The following ARHGAP6 variants were observed in gnomAD, a reference collection of about 807,000 sequenced individuals.
ARHGAP6 encodes Rho GTPase activating protein 6.
In ARHGAP6, 16 loss-of-function variants were observed where a neutral mutation model predicts 55.7. The ratio of observed to expected loss-of-function variants is 0.29; its 90% CI spans 0.19 to 0.44. The LOEUF is 0.44. Ranked by LOEUF, ARHGAP6 falls within the 20% of genes least tolerant of loss-of-function variation. The pLI is 1.00. For synonymous variants in ARHGAP6, 382 were observed against 360.9 expected (o/e 1.06, Z -0.66); for missense variants, 698 against 808.9 (o/e 0.86, Z 1.66).
chrX:11,381,150 A>C (rs960893890), intron 1 of ARHGAP6, among the ~76,000 whole-genome samples: 3 of 112,615 alleles, frequency 2.7e-5, no homozygotes, highest in African/African-American at 9.7e-5. Flanking sequence ...TGTATCAAAA[A>C]ATCTTTCTAT....
In ARHGAP6 at chrX:11,202,799, C is replaced by CAAA. The variant is rs776633959; in HGVS notation, c.749-5806_749-5804dup. ...TGGGTGACAGAGCAAGACTCCGTCT[C>CAAA]AAAAAAAAAAAAAAAAAAAAAAAAA... On this transcript the variant is annotated intron_variant, in intron 2 of 12. Transcript: ENST00000337414. 4.1e-3 allele frequency among the ~76,000 whole-genome samples: 39 copies of CAAA among 9,455 alleles called. 1 individual carries two copies. The highest frequency in any genetic ancestry group is 7.8e-3 in the African/African-American group (18 of 2,302). The allele number at this position is 9,455 out of a possible 115,157, so 8.2% of individuals were successfully genotyped here.
At chrX:11,520,144 T>TATAA (rs1556037227) in intron 1 of ARHGAP6, among the ~76,000 whole-genome samples, 1 of 58,497 alleles carries the variant, frequency 1.7e-5, no homozygotes, top group Non-Finnish European at 3.2e-5. Flanking sequence ...TATATATATA[T>TATAA]ATATATATAT....
chrX:11,529,005 G>A (rs976192079), intron 1 of ARHGAP6, among the ~76,000 whole-genome samples: 4 of 112,114 alleles, frequency 3.6e-5, no homozygotes, highest in Non-Finnish European at 7.5e-5. Context: ...CCTGAAAGAA[G>A]TTGGATAGAG....
intron 1 of ARHGAP6, among the ~76,000 whole-genome samples, chrX:11,616,893 G>C (rs189986135): frequency 0.014 from 1,552 of 111,812 alleles, 12 homozygotes; most frequent in Middle Eastern, 0.042. Flanking sequence ...ACCTGGTCTA[G>C]AATGTCAATA....
intron 1 of ARHGAP6, among the ~76,000 whole-genome samples, chrX:11,363,228 G>A (rs886955169): frequency 8.9e-6 from 1 of 111,905 alleles, no homozygotes; most frequent in Non-Finnish European, 1.9e-5. Context: ...CCCAGATGGT[G>A]TTGACAAAGA....
intron 1 of ARHGAP6, among the ~76,000 whole-genome samples, chrX:11,332,103 G>A (rs1002803091): frequency 9.0e-6 from 1 of 111,706 alleles, no homozygotes; most frequent in African/African-American, 3.3e-5. Context: ...TTTAGCTCAA[G>A]TGTGGTTCTC....
Position 11,207,948 on chromosome X carries a change from G to A in ARHGAP6, c.749-10952C>T, listed in dbSNP as rs1048716188. ...CATAGCCCATGTTAGGAATTAGCAT[G>A]GTGTAGATTAAGTACAACTACACAA... On this transcript the variant is annotated intron_variant, in intron 2 of 12. Coordinates refer to ENST00000337414, the MANE Select transcript of ARHGAP6 (RefSeq NM_013427.3). Among the ~76,000 whole-genome samples, 8 of 111,136 alleles carry A rather than the reference G, an allele frequency of 7.2e-5. No homozygotes were observed. In the Admixed American group the frequency reaches 7.7e-4, roughly 11 times the overall value.
intron 1 of ARHGAP6, among the ~76,000 whole-genome samples, chrX:11,327,286 A>T (rs891950190): frequency 4.4e-5 from 5 of 112,415 alleles, no homozygotes; most frequent in South Asian, 7.3e-4. Context: ...AGAAAAGAAA[A>T]TCTTGCTCAC....
intron 1 of ARHGAP6, among the ~76,000 whole-genome samples, chrX:11,292,492 C>G (rs764134574): frequency 4.5e-5 from 5 of 110,989 alleles, no homozygotes; most frequent in Non-Finnish European, 9.4e-5. Context: ...AAGTAGCTAG[C>G]CAGACAGTTA....
At chrX:11,380,505 T>C (rs1401361483) in intron 1 of ARHGAP6, among the ~76,000 whole-genome samples, 1 of 111,658 alleles carries the variant, frequency 9.0e-6, no homozygotes, top group East Asian at 2.8e-4. Flanking sequence ...CACAGAATGA[T>C]CTGTTGTTTT....
At chrX:11,520,118 T>C (rs2050897602) in intron 1 of ARHGAP6, among the ~76,000 whole-genome samples, 2 of 69,007 alleles carry the variant, frequency 2.9e-5, no homozygotes, top group African/African-American at 5.4e-5. Context: ...CTTTAACAGT[T>C]AGAGAATTGA....
At chrX:11,415,642 A>G (rs1404587640) in intron 1 of ARHGAP6, among the ~76,000 whole-genome samples, 1 of 111,987 alleles carries the variant, frequency 8.9e-6, no homozygotes, top group East Asian at 2.8e-4. Context: ...TTAGGCTTTT[A>G]CATGTGACTT....
intron 1 of ARHGAP6, among the ~76,000 whole-genome samples, chrX:11,485,450 A>G (rs1446206739): frequency 8.9e-6 from 1 of 112,278 alleles, no homozygotes; most frequent in Non-Finnish European, 1.9e-5. Context: ...ACTTCCAAAA[A>G]TATTCTGAGC....
intron 2 of ARHGAP6, among the ~76,000 whole-genome samples, chrX:11,213,393 C>T (rs2046834634): frequency 8.9e-6 from 1 of 112,637 alleles, no homozygotes; most frequent in African/African-American, 3.2e-5. Flanking sequence ...ACCAATCCCA[C>T]CACTGGGTAT....
chrX:11,427,804 G>T (rs1256768818), intron 1 of ARHGAP6: 4 of 744,288 alleles, frequency 5.4e-6, no homozygotes, highest in Non-Finnish European at 6.3e-6. Context: ...CGGCGCGAAG[G>T]GGGAGGGGGA....
chrX:11,589,651 G>A lies in ARHGAP6; in HGVS notation c.588+74590C>T, dbSNP rs1601675668. On this transcript the variant is annotated intron_variant, in intron 1 of 12. Transcript: ENST00000337414. ...TTTAGTTACTATCTGCTGAAATGCT[G>A]AGTCCAAACAAAATTATCTAATAGG... Among the ~76,000 whole-genome samples, 3 of 110,969 alleles carry A rather than the reference G, an allele frequency of 2.7e-5. No homozygotes were observed. The Middle Eastern group carries it at 0.014, about 509-fold the overall frequency.
chrX:11,160,562 TATTA>T (rs2045930444), intron 9 of ARHGAP6, among the ~76,000 whole-genome samples: 1 of 111,579 alleles, frequency 9.0e-6, no homozygotes, highest in Non-Finnish European at 1.9e-5. Context: ...AGCATGACAA[TATTA>T]ATTCTTTGAG....
In ARHGAP6 at chrX:11,216,901, T is replaced by C. The variant is rs774385929; in HGVS notation, c.749-19905A>G. On this transcript the variant is annotated intron_variant, in intron 2 of 12. Coordinates refer to ENST00000337414, the MANE Select transcript of ARHGAP6 (RefSeq NM_013427.3). ...CCCCGACAGGCCCCAGTGTGTTATG[T>C]TCCCCTCCCTGTGTCCATGTGCTCT... 1.8e-4 allele frequency among the ~76,000 whole-genome samples: 20 copies of C among 110,065 alleles called. No homozygotes were observed. In the South Asian group the frequency reaches 4.4e-3, roughly 24 times the overall value.
At chrX:11,249,255 CTTCAGGGA>C (rs1218254865) in intron 2 of ARHGAP6, among the ~76,000 whole-genome samples, 1 of 111,085 alleles carries the variant, frequency 9.0e-6, no homozygotes, top group Non-Finnish European at 1.9e-5. Context: ...ACACAATAGA[CTTCAGGGA>C]CTCAGGGAGA....
Sources: allele counts gnomAD v4.1 joint callset (sites outside exome capture counted in the v4.1 genomes callset), GRCh38; gene constraint gnomAD v4.1.1; transcripts MANE v1.5; gene names NCBI Gene and HGNC (gene_info 2026-07-23, HGNC 2026-07-21).